FCN2: variants seen among roughly 807,000 people sequenced by gnomAD.
FCN2 encodes the protein ficolin 2, also known as ficolin-2.
In FCN2, 31 loss-of-function variants were observed where a neutral mutation model predicts 32.5. The ratio of observed to expected loss-of-function variants is 0.96; its 90% CI spans 0.72 to 1.29. The LOEUF is 1.29. Ranked by LOEUF, FCN2 falls within the 50% of genes most tolerant of loss-of-function variation. FCN2 has a pLI of 0.00. For missense variants in FCN2, 412 were observed against 406.5 expected (o/e 1.01, Z -0.12); for synonymous variants, 181 against 164.5 (o/e 1.10, Z -0.77).
At chr9:134,883,565 TG>T (rs1240818440) in intron 3 of FCN2, among the ~76,000 whole-genome samples, 1 of 89,122 alleles carries the variant, frequency 1.1e-5, no homozygotes, top group Admixed American at 1.5e-4. Context: ...TCTGGGGGAG[TG>T]GGGTTATCAG....
upstream of FCN2, among the ~76,000 whole-genome samples, chr9:134,879,443 T>C (rs1564205043): frequency 6.6e-6 from 1 of 152,178 alleles, no homozygotes; most frequent in Non-Finnish European, 1.5e-5. Flanking sequence ...GCCTAAGGAC[T>C]CGGAATTTTG....
upstream of FCN2, chr9:134,880,739 GA>G: frequency 9.1e-7 from 1 of 1,093,402 alleles, no homozygotes; most frequent in Non-Finnish European, 1.4e-6. Flanking sequence ...TCACTCGGAA[GA>G]TGAGAAATTG....
intron 1 of FCN2, among the ~76,000 whole-genome samples, chr9:134,881,832 C>A (rs2132998087): frequency 6.6e-6 from 1 of 152,322 alleles, no homozygotes; most frequent in Non-Finnish European, 1.5e-5. Flanking sequence ...TCTAGAGTTT[C>A]TAAATGATCA....
chr9:134,870,199 T>C, the FCN2 span, among the ~76,000 whole-genome samples: 1 of 152,292 alleles, frequency 6.6e-6, no homozygotes, highest in African/African-American at 2.4e-5. This position sits in a 1 kb window ranked among gnomAD's most constrained non-coding sequence, Gnocchi z 4.3. Context: ...CGAGTTCTGC[T>C]GGCTGCAGCT....
chr9:134,882,577 G>C lies in FCN2; in HGVS notation c.152G>C (p.Gly51Ala), dbSNP rs984581327. 1 of 1,614,182 alleles carries C rather than the reference G, an allele frequency of 6.2e-7. No homozygotes were observed. The highest frequency in any genetic ancestry group is 8.5e-7 in the Non-Finnish European group (1 of 1,180,032). Residue 51 changes from glycine to alanine, a missense_variant, in exon 2 of 8, where the codon GGC (glycine) becomes GCC (alanine). Transcript: ENST00000291744. Reference sequence around the variant, plus strand: ...TCTGACAAGCTCACCATTCTCCGAGGCTGTCCGGGGCTGCCTGGGGCCCCT... The same window carrying C: ...TCTGACAAGCTCACCATTCTCCGAGCCTGTCCGGGGCTGCCTGGGGCCCCT... Reference protein sequence around the residue: ...EGSDKLTILRGCPGLPGAPGP... With the variant: ...EGSDKLTILRACPGLPGAPGP...
intron 5 of FCN2, 35 bp from the exon 6 acceptor site, chr9:134,885,733 G>A: frequency 6.2e-7 from 1 of 1,612,766 alleles, no homozygotes; most frequent in Non-Finnish European, 8.5e-7. Flanking sequence ...CGTCGGCCTG[G>A]CCCCCCCGGC....
chr9:134,877,649 T>A (rs1001541708), upstream of FCN2, among the ~76,000 whole-genome samples: 6 of 152,176 alleles, frequency 3.9e-5, no homozygotes, highest in African/African-American at 1.2e-4. Context: ...GTGTTCTCCA[T>A]TTCTCTCCTC....
chr9:134,865,944 C>A, the FCN2 span, among the ~76,000 whole-genome samples: 2 of 151,232 alleles, frequency 1.3e-5, no homozygotes, highest in African/African-American at 4.9e-5. Flanking sequence ...ATGTGAAGGA[C>A]CTCTTCGAGG....
intron 7 of FCN2, 136 bp from the exon 8 acceptor site, chr9:134,887,032 C>T: frequency 9.7e-7 from 1 of 1,026,878 alleles, no homozygotes; most frequent in Non-Finnish European, 1.5e-6. Flanking sequence ...ATGGATTGCA[C>T]TTCTTGGATT....
At position 134,887,322 on chromosome 9, in the gene FCN2, T is replaced by C. The variant is rs1830774692; in HGVS notation, c.849T>C (p.Thr283=). 1 of 1,614,030 alleles carries C rather than the reference T, an allele frequency of 6.2e-7. No individual in the cohort carries two copies. Among genetic ancestry groups the C allele is most frequent in the Admixed American group, 1.7e-5 (1 of 60,006 alleles). Residue 283 remains threonine, a synonymous_variant, in exon 8 of 8, where the codon ACT becomes ACC. Transcript: ENST00000291744. ...TGAATGGTCGCTACCTCAGGGGGAC[T>C]CATGGCAGCTTTGCAAATGGCATCA... is the stretch of plus-strand genomic sequence containing the variant. ...SNLNGRYLRG[T]HGSFANGINW...
At chr9:134,871,776 A>G in the FCN2 span, among the ~76,000 whole-genome samples, 3 of 152,268 alleles carry the variant, frequency 2.0e-5, no homozygotes, top group South Asian at 6.2e-4. Context: ...TTTCTTTTCT[A>G]AGAGCCTAGA....
chr9:134,886,443 C>T lies in FCN2; in HGVS notation c.573C>T (p.Leu191=). 2 of 1,614,188 alleles carry T rather than the reference C, an allele frequency of 1.2e-6. No individual in the cohort carries two copies. Among genetic ancestry groups the T allele is most frequent in the South Asian group, 1.1e-5 (1 of 91,068 alleles). The change falls in exon 7 of 8, where the codon CTC becomes CTT. Residue 191 remains leucine (L), a synonymous_variant. Coordinates refer to ENST00000291744, the MANE Select transcript of FCN2 (RefSeq NM_004108.3). ...TTTCTCTAACAGGAACCAGCGAGCT[C>T]CGTGTAGACCTGGTGGACTTTGAGG... The part of the protein sequence containing the change: ...HALTAQGTSE[L]RVDLVDFEDN...
chr9:134,869,580 GC>G, the FCN2 span, among the ~76,000 whole-genome samples: 2 of 152,200 alleles, frequency 1.3e-5, no homozygotes, highest in African/African-American at 2.4e-5. Context: ...TAGGCCTCTG[GC>G]TTTGCTTTTG....
At chr9:134,877,253 C>T (rs1002802725), upstream of FCN2, among the ~76,000 whole-genome samples, 2 of 152,184 alleles carry the variant, frequency 1.3e-5, no homozygotes, top group Non-Finnish European at 2.9e-5. Flanking sequence ...GACCTTTCTT[C>T]CTTTTTAGTG....
the FCN2 span, among the ~76,000 whole-genome samples, chr9:134,875,523 A>T: frequency 6.6e-6 from 1 of 152,170 alleles, no homozygotes; most frequent in Non-Finnish European, 1.5e-5. Context: ...GCACGTGACT[A>T]TTGCATAAAA....
rs369954653 is a variant in FCN2 at position 134,886,513 on chromosome 9, G to C, written c.643G>C (p.Glu215Gln). The C allele has an allele frequency of 2.5e-6, 4 of 1,614,190 alleles. No individual in the cohort carries two copies. The South Asian group carries it at 4.4e-5, about 18-fold the overall frequency. The change falls in exon 7 of 8, where the codon GAG (glutamate) becomes CAG (glutamine). Residue 215 changes from glutamate (E) to glutamine (Q), a missense_variant. Transcript: ENST00000291744. Reference sequence around the variant, plus strand: ...GTACAGATCATTCAAGGTGGCCGACGAGGCGGAGAAGTACAATCTGGTCCT... The same window carrying C: ...GTACAGATCATTCAAGGTGGCCGACCAGGCGGAGAAGTACAATCTGGTCCT... ...AKYRSFKVAD[E>Q]AEKYNLVLGA...
Position 134,887,360 on chromosome 9 carries a change from G to A in FCN2, c.887G>A (p.Gly296Glu). The change falls in exon 8 of 8, where the codon GGG becomes GAG. Residue 296 changes from glycine to glutamate, a missense_variant. Coordinates refer to ENST00000291744, the MANE Select transcript of FCN2 (RefSeq NM_004108.3). The part of the protein sequence containing the change: ...SFANGINWKS[G>E]KGYNYSYKVS... ...GCAAATGGCATCAACTGGAAGTCGG[G>A]GAAAGGATACAATTATAGCTACAAG... 1 of 1,614,146 alleles carries A rather than the reference G, an allele frequency of 6.2e-7. No individual in the cohort carries two copies. Among genetic ancestry groups the A allele is most frequent in the Non-Finnish European group, 8.5e-7 (1 of 1,180,018 alleles).
At chr9:134,865,890 T>C in the FCN2 span, among the ~76,000 whole-genome samples, 8 of 152,046 alleles carry the variant, frequency 5.3e-5, no homozygotes, top group African/African-American at 1.9e-4. Flanking sequence ...CATTCACAAT[T>C]GCTTCAAAGA....
In FCN2 at chr9:134,881,412, G is replaced by T. The variant is rs895882249; in HGVS notation, c.100+491G>T. Among the ~76,000 whole-genome samples, 65 of 152,176 alleles carry T rather than the reference G, an allele frequency of 4.3e-4. 1 individual carries two copies. Among genetic ancestry groups the T allele is most frequent in the Non-Finnish European group, 2.2e-4 (15 of 68,026 alleles). ...GGCTCTGGAGATGGCAGTTCCCATG[G>T]TGTCCCTGATGCGGCACAATAAGGG... is the stretch of plus-strand genomic sequence containing the variant. On this transcript the variant is annotated intron_variant, in intron 1 of 7. Transcript: ENST00000291744.
Sources: allele counts gnomAD v4.1 joint callset (sites outside exome capture counted in the v4.1 genomes callset), GRCh38; gene constraint gnomAD v4.1.1; non-coding constraint Gnocchi (gnomAD v3.1); transcripts MANE v1.5; gene names NCBI Gene and HGNC (gene_info 2026-07-23, HGNC 2026-07-21).